Variants in BLTP2 observed in about 807,000 individuals in gnomAD.
The protein encoded by BLTP2 is bridge-like lipid transfer protein family member 2, also known as U937-associated antigen.
the BLTP2 span, among the ~76,000 whole-genome samples, chr17:28,631,149 G>A: frequency 1.3e-5 from 2 of 152,138 alleles, no homozygotes; most frequent in African/African-American, 2.4e-5. Flanking sequence ...GGGAGGTAAT[G>A]ACATAAGGTC....
the BLTP2 span, chr17:28,621,146 T>C: frequency 6.2e-7 from 1 of 1,614,042 alleles, no homozygotes; most frequent in Admixed American, 1.7e-5. Flanking sequence ...CTGGGCTTGC[T>C]GTGCCTCAGC....
the BLTP2 span, chr17:28,615,373 A>AT: frequency 1.2e-6 from 1 of 842,556 alleles, no homozygotes; most frequent in Admixed American, 2.9e-5. Flanking sequence ...TTCACATACA[A>AT]TGGTCTCTGC....
the BLTP2 span, among the ~76,000 whole-genome samples, chr17:28,636,253 G>A: frequency 2.0e-5 from 3 of 152,108 alleles, no homozygotes; most frequent in Non-Finnish European, 2.9e-5. Context: ...TCCAAAGGAC[G>A]GTGAAGTCTG....
the BLTP2 span, chr17:28,614,816 C>T: frequency 2.4e-5 from 9 of 375,716 alleles, no homozygotes; most frequent in Non-Finnish European, 4.3e-5. Flanking sequence ...AGGGTCCTGC[C>T]CTGGGCCCAT....
the BLTP2 span, chr17:28,636,088 A>G: frequency 6.5e-6 from 1 of 154,036 alleles, no homozygotes; most frequent in African/African-American, 2.4e-5. Context: ...TACTGAGCAC[A>G]CAAGTCAATA....
the BLTP2 span, among the ~76,000 whole-genome samples, chr17:28,632,785 T>A: frequency 2.6e-5 from 4 of 151,918 alleles, no homozygotes; most frequent in African/African-American, 9.7e-5. Flanking sequence ...CACCAACCCT[T>A]TCCCCTGCCA....
the BLTP2 span, chr17:28,633,143 G>A: frequency 6.3e-7 from 1 of 1,579,388 alleles, no homozygotes; most frequent in South Asian, 1.2e-5. Flanking sequence ...GGCAGGTGAA[G>A]GAAGCAGCAG....
chr17:28,637,016 G>A, the BLTP2 span: 13 of 1,614,230 alleles, frequency 8.1e-6, no homozygotes, highest in Non-Finnish European at 1.1e-5. Context: ...TGGAAAGGCT[G>A]AGCACTGGGG....
At chr17:28,638,414 A>G in the BLTP2 span, 1 of 1,613,824 alleles carries the variant, frequency 6.2e-7, no homozygotes, top group Non-Finnish European at 8.5e-7. Context: ...GGTGCTGGTA[A>G]TCTGAACAAA....
chr17:28,642,519 C>T, the BLTP2 span: 19 of 594,556 alleles, frequency 3.2e-5, no homozygotes, highest in Middle Eastern at 4.5e-4. Context: ...GGCGCGGTGG[C>T]GGCCGCCTGT....
the BLTP2 span, chr17:28,639,205 T>C: frequency 4.8e-5 from 51 of 1,060,372 alleles, no homozygotes; most frequent in Non-Finnish European, 6.4e-5. Flanking sequence ...GACTCGGATT[T>C]GAGGAGGTCA....
chr17:28,623,982 A>C, the BLTP2 span: 1 of 1,609,478 alleles, frequency 6.2e-7, no homozygotes, highest in Non-Finnish European at 8.5e-7. Context: ...CCAGAGATAG[A>C]AGCAGAGTTA....
the BLTP2 span, chr17:28,633,091 C>T: frequency 2.5e-6 from 4 of 1,591,440 alleles, no homozygotes; most frequent in Non-Finnish European, 3.4e-6. Flanking sequence ...ATGGGGGTTC[C>T]CATGGCACAG....
the BLTP2 span, chr17:28,616,778 G>A: frequency 1.2e-6 from 2 of 1,613,872 alleles, no homozygotes. The surrounding 1 kb of genome is among the most constrained non-coding windows in gnomAD (Gnocchi z 4.8). Flanking sequence ...GATTCAAGAA[G>A]CAATTAAGCT....
the BLTP2 span, chr17:28,616,599 C>A: frequency 1.2e-6 from 2 of 1,614,052 alleles, no homozygotes; most frequent in Non-Finnish European, 1.7e-6. This position sits in a 1 kb window ranked among gnomAD's most constrained non-coding sequence, Gnocchi z 4.8. Flanking sequence ...TTCTGGGGCT[C>A]CACCATAAAA....
the BLTP2 span, chr17:28,624,219 T>C: frequency 1.2e-6 from 2 of 1,612,340 alleles, no homozygotes; most frequent in Non-Finnish European, 1.7e-6. Context: ...AGGTAACTTG[T>C]AAAGAGAAGG....
chr17:28,632,150 T>C, the BLTP2 span: 11 of 1,614,096 alleles, frequency 6.8e-6, no homozygotes, highest in Admixed American at 1.7e-5. Context: ...CCCCTGCAGA[T>C]AGGCCTTGTG....
the BLTP2 span, among the ~76,000 whole-genome samples, chr17:28,627,332 G>T: frequency 2.0e-5 from 3 of 151,924 alleles, no homozygotes; most frequent in South Asian, 4.2e-4. Flanking sequence ...GGCTTTCAAG[G>T]CCTGGCTCAA....
At chr17:28,634,171 A>C in the BLTP2 span, 2 of 1,157,292 alleles carry the variant, frequency 1.7e-6, no homozygotes, top group Non-Finnish European at 2.5e-6. Flanking sequence ...CCACTATTTT[A>C]CCCATCTATA....
Sources: allele counts gnomAD v4.1 joint callset (sites outside exome capture counted in the v4.1 genomes callset), GRCh38; gene constraint gnomAD v4.1.1; non-coding constraint Gnocchi (gnomAD v3.1); transcripts MANE v1.5; gene names NCBI Gene and HGNC (gene_info 2026-07-23, HGNC 2026-07-21).